The following CREBBP variants were observed in gnomAD, a reference collection of about 807,000 sequenced individuals.
CREBBP encodes CREB-binding protein.
In CREBBP, 19 loss-of-function variants were observed where a neutral mutation model predicts 265.0. The ratio of observed to expected loss-of-function variants is 0.07; its 90% confidence interval spans 0.05 to 0.11. CREBBP has a LOEUF of 0.11. Among genes scored for constraint, CREBBP ranks in the 10% least tolerant of loss-of-function variants. The pLI is 1.00. For synonymous variants in CREBBP, 1,457 were observed against 1,223.7 expected (o/e 1.19, Z -3.98); for missense variants, 2,525 against 3,219.0 (o/e 0.78, Z 5.22).
Position 3,777,717 on chromosome 16 carries a change from A to G in CREBBP, c.2114-60T>C, listed in dbSNP as rs979231377. 1.6e-5 allele frequency: 25 copies of G among 1,587,436 alleles called. No homozygotes were observed. In the African/African-American group the frequency reaches 2.7e-4, roughly 17 times the overall value. On this transcript the variant is annotated intron_variant, in intron 10 of 30. Transcript: ENST00000262367. ...CCCTAGTTATTTAATATAATCCTTG[A>G]TTCAGGAATAGGAAATTTCTTATTA...
At chr16:3,861,022 C>T (rs2055061825) in intron 1 of CREBBP, among the ~76,000 whole-genome samples, 1 of 152,080 alleles carries the variant, frequency 6.6e-6, no homozygotes, top group Non-Finnish European at 1.5e-5. Flanking sequence ...CCTGTAATCC[C>T]AGCACTTTGG....
intron 9 of CREBBP, 52 bp from the exon 10 acceptor site, chr16:3,778,234 T>C (rs370475829): frequency 1.3e-4 from 180 of 1,425,618 alleles, no homozygotes; most frequent in Non-Finnish European, 1.7e-4. Flanking sequence ...AAAAAGCAAC[T>C]GAATGATCTG....
At chr16:3,767,676 G>A (rs759653286) in intron 16 of CREBBP, 44 bp downstream of exon 16, 2 of 1,612,906 alleles carry the variant, frequency 1.2e-6, no homozygotes, top group Admixed American at 3.3e-5. Context: ...CTAACACCGT[G>A]GAAAAGCAGC....
chr16:3,808,058 T>G (rs2053864645), intron 3 of CREBBP, among the ~76,000 whole-genome samples: 1 of 149,868 alleles, frequency 6.7e-6, no homozygotes, highest in African/African-American at 2.5e-5. Context: ...GCTTTCTCAG[T>G]TTACCCTGAG....
rs188449501 is a variant in CREBBP at position 3,776,878 on chromosome 16, C to T, written c.2158+735G>A. ...AAAAAGATACAAAAAATTAGCTGGGCGTGGTGGCAGGTGCCTGTAGTCTCA... is the reference window on the plus strand; with the variant it reads ...AAAAAGATACAAAAAATTAGCTGGGTGTGGTGGCAGGTGCCTGTAGTCTCA... On this transcript the variant is annotated intron_variant, in intron 11 of 30. Coordinates refer to ENST00000262367, the MANE Select transcript of CREBBP (RefSeq NM_004380.3). Among the ~76,000 whole-genome samples the T allele has an allele frequency of 7.7e-3, 1,168 of 151,850 alleles. 12 individuals carry two copies. The highest frequency in any genetic ancestry group is 0.02 in the Middle Eastern group (6 of 294).
At chr16:3,751,867 C>G in intron 19 of CREBBP, 61 bp from the exon 20 acceptor site, 2 of 1,530,420 alleles carry the variant, frequency 1.3e-6, no homozygotes, top group Non-Finnish European at 1.8e-6. Context: ...GCCACCCAAG[C>G]AACGAAGCCA....
At chr16:3,802,875 C>T (rs2053746688) in intron 3 of CREBBP, among the ~76,000 whole-genome samples, 1 of 152,154 alleles carries the variant, frequency 6.6e-6, no homozygotes, top group African/African-American at 2.4e-5. Flanking sequence ...CCACAACCTC[C>T]ACCTAGAATC....
At chr16:3,847,142 GA>G (rs964237741) in intron 2 of CREBBP, among the ~76,000 whole-genome samples, 6 of 151,282 alleles carry the variant, frequency 4.0e-5, no homozygotes, top group African/African-American at 1.2e-4. Flanking sequence ...CTATCAGTAA[GA>G]AAAAAAAATC....
rs143134641 is a variant in CREBBP, at chr16:3,841,355, T to C, written c.798+8942A>G. Among the ~76,000 whole-genome samples the C allele has an allele frequency of 3.2e-3, 481 of 151,624 alleles. 1 individual carries two copies. The highest frequency in any genetic ancestry group is 5.6e-3 in the Non-Finnish European group (381 of 67,882). On this transcript the variant is annotated intron_variant, in intron 2 of 30. Coordinates refer to ENST00000262367, the MANE Select transcript of CREBBP (RefSeq NM_004380.3). Reference sequence around the variant, plus strand: ...AAGTCACTTGTGGGTAAAGAAAGCATTGGGTAGTTTGGCTACAGCGTAATA... The same window carrying C: ...AAGTCACTTGTGGGTAAAGAAAGCACTGGGTAGTTTGGCTACAGCGTAATA...
chr16:3,794,710 G>T (rs1296723254), intron 3 of CREBBP, among the ~76,000 whole-genome samples: 1 of 152,182 alleles, frequency 6.6e-6, no homozygotes, highest in Non-Finnish European at 1.5e-5. Context: ...CCTTTTAACA[G>T]CAAGGCAAAT....
intron 2 of CREBBP, among the ~76,000 whole-genome samples, chr16:3,818,145 G>A (rs540802608): frequency 6.6e-6 from 1 of 152,042 alleles, no homozygotes; most frequent in Non-Finnish European, 1.5e-5. Context: ...AACCACTTAT[G>A]AGTATGCACC....
chr16:3,828,797 C>G (rs1009407600), intron 2 of CREBBP, among the ~76,000 whole-genome samples: 15 of 152,154 alleles, frequency 9.9e-5, no homozygotes, highest in African/African-American at 2.9e-4. Context: ...TCTGCATAGG[C>G]AGGAAAGTGG....
intron 16 of CREBBP, among the ~76,000 whole-genome samples, chr16:3,763,969 C>T (rs1032010804): frequency 6.6e-6 from 1 of 151,412 alleles, no homozygotes; most frequent in African/African-American, 2.4e-5. Flanking sequence ...CTCAGCCTTC[C>T]GAGTAGCTGG....
At chr16:3,764,438 C>T (rs2052797946) in intron 16 of CREBBP, among the ~76,000 whole-genome samples, 1 of 151,464 alleles carries the variant, frequency 6.6e-6, no homozygotes, top group African/African-American at 2.4e-5. Context: ...CCACACCTGG[C>T]TAATTTTTAA....
intron 11 of CREBBP, among the ~76,000 whole-genome samples, chr16:3,776,106 G>C (rs143325688): frequency 1.5e-3 from 231 of 151,932 alleles, no homozygotes; most frequent in African/African-American, 5.4e-3. Flanking sequence ...TAATAGAGAC[G>C]GGGGTTTCAC....
chr16:3,810,480 G>C, intron 3 of CREBBP, 123 bp downstream of exon 3: 1 of 1,151,106 alleles, frequency 8.7e-7, no homozygotes. Context: ...AGAAATCTGG[G>C]TTCTCTTCCT....
At chr16:3,820,236 A>G (rs764818041) in intron 2 of CREBBP, among the ~76,000 whole-genome samples, 2 of 152,258 alleles carry the variant, frequency 1.3e-5, no homozygotes, top group African/African-American at 2.4e-5. Context: ...TTTCATGGAA[A>G]GACATGACTG....
rs2141191190 is a variant in CREBBP, at chr16:3,769,248, C to G, written c.2986G>C (p.Glu996Gln). Residue 996 changes from glutamate to glutamine, a missense_variant, in exon 15 of 31, where the codon GAA becomes CAA. Glu to Gln is a conservative substitution (Grantham distance 29, BLOSUM62 2). Coordinates refer to ENST00000262367, the MANE Select transcript of CREBBP (RefSeq NM_004380.3). ...TCTGCTTGGGTCTCCGTCTTCATTT[C>G]CAGCACAGGTACGTCAGGTCCTGGC... ...QQPGPDVPVL[E>Q]MKTETQAEDT... 6.2e-7 allele frequency: 1 copy of G among 1,614,164 alleles called. No homozygotes were observed. The highest frequency in any genetic ancestry group is 8.5e-7 in the Non-Finnish European group (1 of 1,180,038).
intron 21 of CREBBP, among the ~76,000 whole-genome samples, chr16:3,747,341 T>A (rs2052365853): frequency 6.6e-6 from 1 of 152,236 alleles, no homozygotes; most frequent in African/African-American, 2.4e-5. Flanking sequence ...GAAGTTAACC[T>A]CTGCCTACCA....
Sources: allele counts gnomAD v4.1 joint callset (sites outside exome capture counted in the v4.1 genomes callset), GRCh38; gene constraint gnomAD v4.1.1; transcripts MANE v1.5; gene names NCBI Gene and HGNC (gene_info 2026-07-23, HGNC 2026-07-21).